DENND5A: variants seen among roughly 807,000 people sequenced by gnomAD.
The protein encoded by DENND5A is DENN domain-containing protein 5A.
DENND5A carries 64 observed loss-of-function variants against 140.3 expected under a neutral mutation model. The observed-to-expected ratio is 0.46, with a 90% confidence interval of 0.37 to 0.56. The LOEUF is 0.56. Ranked by LOEUF, DENND5A falls within the 20% of genes least tolerant of loss-of-function variation. DENND5A has a pLI of 0.00. For missense variants in DENND5A, 1,292 were observed against 1,593.8 expected (o/e 0.81, Z 3.22); for synonymous variants, 605 against 607.7 (o/e 1.00, Z 0.07).
intron 15 of DENND5A, among the ~76,000 whole-genome samples, 192 bp downstream of exon 15, chr11:9,149,889 A>G (rs1182656620): frequency 6.6e-6 from 1 of 152,210 alleles, no homozygotes; most frequent in Non-Finnish European, 1.5e-5. Flanking sequence ...GACAGGGAGA[A>G]CCAATATAGC....
chr11:9,172,525 A>C (rs1419253345), intron 8 of DENND5A, among the ~76,000 whole-genome samples: 1 of 152,170 alleles, frequency 6.6e-6, no homozygotes, highest in Non-Finnish European at 1.5e-5. Flanking sequence ...TAACTGAATC[A>C]CAGGGGCGGT....
intron 1 of DENND5A, among the ~76,000 whole-genome samples, chr11:9,227,120 A>C (rs1414731967): frequency 6.6e-6 from 1 of 151,990 alleles, no homozygotes; most frequent in African/African-American, 2.4e-5. Context: ...GTAAGGTGAG[A>C]TCACGCCATT....
chr11:9,247,012 C>T (rs1851502880), intron 1 of DENND5A, among the ~76,000 whole-genome samples: 1 of 152,200 alleles, frequency 6.6e-6, no homozygotes, highest in East Asian at 1.9e-4. Flanking sequence ...GGGCAGATCA[C>T]GAGGTCAGGA....
intron 1 of DENND5A, among the ~76,000 whole-genome samples, chr11:9,211,158 A>G (rs1374854429): frequency 6.6e-6 from 1 of 152,138 alleles, no homozygotes; most frequent in Non-Finnish European, 1.5e-5. Context: ...AAACTCAAAA[A>G]CTCATAATCT....
intron 1 of DENND5A, among the ~76,000 whole-genome samples, chr11:9,224,762 G>A (rs1850461594): frequency 6.6e-6 from 1 of 151,276 alleles, no homozygotes; most frequent in African/African-American, 2.4e-5. Flanking sequence ...GGAGGCTGAG[G>A]CAAGAGAATC....
intron 2 of DENND5A, 33 bp from the exon 3 acceptor site, chr11:9,206,815 A>G (rs530259126): frequency 6.8e-7 from 1 of 1,474,208 alleles, no homozygotes; most frequent in African/African-American, 1.4e-5. Context: ...AATCATTTCT[A>G]CAAAATCCCT....
chr11:9,157,687 T>C (rs1590215925), intron 12 of DENND5A, among the ~76,000 whole-genome samples: 2 of 152,196 alleles, frequency 1.3e-5, no homozygotes, highest in African/African-American at 4.8e-5. Context: ...GGCTGTGTAG[T>C]GTTGTATGGT....
chr11:9,253,887 G>A (rs886723851), intron 1 of DENND5A, among the ~76,000 whole-genome samples: 5 of 152,108 alleles, frequency 3.3e-5, no homozygotes, highest in Middle Eastern at 3.4e-3. Flanking sequence ...AATGGGCGCA[G>A]TGGCTCACAC....
intron 12 of DENND5A, among the ~76,000 whole-genome samples, chr11:9,157,653 G>A (rs966825192): frequency 1.3e-5 from 2 of 152,170 alleles, no homozygotes; most frequent in Non-Finnish European, 2.9e-5. Flanking sequence ...TTGCTACAAA[G>A]GCCATGATCT....
chr11:9,150,529 A>G, intron 14 of DENND5A, 151 bp downstream of exon 14: 1 of 627,010 alleles, frequency 1.6e-6, no homozygotes, highest in Non-Finnish European at 2.8e-6. Flanking sequence ...TTACAAATGT[A>G]TTATGAAACA....
intron 1 of DENND5A, among the ~76,000 whole-genome samples, chr11:9,225,619 C>T (rs1564926026): frequency 2.6e-5 from 4 of 152,000 alleles, no homozygotes; most frequent in African/African-American, 7.2e-5. Context: ...AAAAATCAGC[C>T]GGGCATGGTA....
At chr11:9,155,115 C>T (rs1175069836) in intron 12 of DENND5A, among the ~76,000 whole-genome samples, 1 of 151,364 alleles carries the variant, frequency 6.6e-6, no homozygotes, top group Non-Finnish European at 1.5e-5. Context: ...CACTACTGCA[C>T]TCCAGCCTGG....
At chr11:9,171,386 G>C (rs1311338490) in intron 8 of DENND5A, 2 of 152,334 alleles carry the variant, frequency 1.3e-5, no homozygotes, top group Non-Finnish European at 2.9e-5. Flanking sequence ...AGAGGGTCTT[G>C]CCTCAGTAGT....
intron 8 of DENND5A, chr11:9,177,052 C>T (rs1166378735): frequency 5.2e-5 from 20 of 385,784 alleles, no homozygotes; most frequent in East Asian, 2.9e-4. Flanking sequence ...CCCAAGAGTT[C>T]GAGGCCAGCC....
At chr11:9,149,693 G>A (rs1380821841) in intron 15 of DENND5A, among the ~76,000 whole-genome samples, 1 of 152,158 alleles carries the variant, frequency 6.6e-6, no homozygotes, top group African/African-American at 2.4e-5. Context: ...ACAAGAGAGA[G>A]AAGAGGACAT....
chr11:9,164,301 C>A (rs1234902855), intron 11 of DENND5A, among the ~76,000 whole-genome samples: 1 of 144,524 alleles, frequency 6.9e-6, no homozygotes, highest in African/African-American at 2.5e-5. Flanking sequence ...GATTCACCCA[C>A]CTCAATCTCC....
intron 4 of DENND5A, among the ~76,000 whole-genome samples, chr11:9,201,166 TGCCA>T (rs892725799): frequency 2.0e-4 from 31 of 151,946 alleles, no homozygotes; most frequent in African/African-American, 7.5e-4. Context: ...ACCACTATTC[TGCCA>T]GCCTGGGCAA....
intron 1 of DENND5A, among the ~76,000 whole-genome samples, chr11:9,224,602 T>G (rs889726827): frequency 2.0e-4 from 31 of 152,130 alleles, no homozygotes; most frequent in African/African-American, 6.3e-4. Flanking sequence ...GGCTCACACC[T>G]ATAATCCCAG....
At chr11:9,160,417 T>C (rs1481677822) in intron 12 of DENND5A, among the ~76,000 whole-genome samples, 12 of 152,256 alleles carry the variant, frequency 7.9e-5, no homozygotes, top group Admixed American at 7.8e-4. Context: ...CTTTCTGGTC[T>C]ATCTCTAGAC....
Sources: allele counts gnomAD v4.1 joint callset (sites outside exome capture counted in the v4.1 genomes callset), GRCh38; gene constraint gnomAD v4.1.1; transcripts MANE v1.5; gene names NCBI Gene and HGNC (gene_info 2026-07-23, HGNC 2026-07-21).